The following BNC2 variants were observed in gnomAD, a reference collection of about 807,000 sequenced individuals.
BNC2 encodes basonuclin zinc finger protein 2, also known as zinc finger protein basonuclin-2.
A neutral mutation model predicts 76.3 loss-of-function variants in BNC2; 20 were observed. That is an observed-to-expected ratio of 0.26 (90% confidence interval 0.18 to 0.38). The LOEUF (loss-of-function observed/expected upper bound fraction) is 0.38. BNC2 is among the 10% of genes least tolerant of loss of function. BNC2 has a pLI of 1.00. For missense variants in BNC2, 1,382 were observed against 1,399.8 expected, an observed-to-expected ratio of 0.99 and a Z score of 0.20; for synonymous variants, 582 against 514.8, an observed-to-expected ratio of 1.13 and a Z score of -1.77.
chr9:16,628,900 A>C (rs1244543300), intron 3 of BNC2, among the ~76,000 whole-genome samples: 1 of 152,224 alleles, frequency 6.6e-6, no homozygotes, highest in East Asian at 1.9e-4. Flanking sequence ...AGGATTTTTA[A>C]ACTTCTGTAG....
chr9:16,758,518 A>T (rs979018654), intron 1 of BNC2, among the ~76,000 whole-genome samples: 1 of 152,070 alleles, frequency 6.6e-6, no homozygotes, highest in Non-Finnish European at 1.5e-5. Context: ...TGTAGTAGAG[A>T]CAGGGTTTCA....
chr9:16,461,827 T>C (rs1821589499), intron 5 of BNC2, among the ~76,000 whole-genome samples: 1 of 152,234 alleles, frequency 6.6e-6, no homozygotes, highest in Non-Finnish European at 1.5e-5. Flanking sequence ...AGAGTTATTT[T>C]GTTTCTAACA....
chr9:16,711,112 C>A (rs1158567738), intron 3 of BNC2, among the ~76,000 whole-genome samples: 3 of 152,144 alleles, frequency 2.0e-5, no homozygotes, highest in Non-Finnish European at 4.4e-5. Flanking sequence ...CCCCTCCCCC[C>A]AGTCTTTCTC....
chr9:16,780,115 A>G (rs1393952392), intron 1 of BNC2, among the ~76,000 whole-genome samples: 1 of 151,196 alleles, frequency 6.6e-6, no homozygotes, highest in Non-Finnish European at 1.5e-5. Flanking sequence ...GGGTGCCTGT[A>G]GTCCCAGCTA....
At chr9:16,853,678 C>T (rs1819184005) in intron 1 of BNC2, among the ~76,000 whole-genome samples, 1 of 152,034 alleles carries the variant, frequency 6.6e-6, no homozygotes, top group Non-Finnish European at 1.5e-5. Context: ...ACCAGCCTGG[C>T]CAACATGGTG....
chr9:16,840,382 C>G (rs1209492414), intron 1 of BNC2, among the ~76,000 whole-genome samples: 1 of 152,210 alleles, frequency 6.6e-6, no homozygotes, highest in African/African-American at 2.4e-5. Flanking sequence ...CATTTCATAT[C>G]CACGCAGTTA....
intron 3 of BNC2, among the ~76,000 whole-genome samples, chr9:16,610,397 C>T (rs763589417): frequency 6.6e-6 from 1 of 152,084 alleles, no homozygotes; most frequent in Non-Finnish European, 1.5e-5. Flanking sequence ...CAGAAGGAAT[C>T]CGAGGTTCCC....
Position 16,685,596 on chromosome 9 carries a change from C to A in BNC2, c.330+42201G>T, listed in dbSNP as rs958540505. 26 of 1,304,270 alleles carry A rather than the reference C, an allele frequency of 2.0e-5. No individual in the cohort carries two copies. In the African/African-American group the frequency reaches 3.8e-4, roughly 19 times the overall value. The allele number at this position is 1,304,270 out of a possible 1,614,324, so 80.8% of individuals were successfully genotyped here. On this transcript the variant is annotated intron_variant, in intron 3 of 6. Coordinates refer to ENST00000380672, the MANE Select transcript of BNC2 (RefSeq NM_017637.6). ...CCTCCAGGTTTGGGCAGAAGTCTGC[C>A]CCCAGCACTCTGCCAGTACATGCCA...
At chr9:16,570,184 A>G (rs974420606) in intron 4 of BNC2, among the ~76,000 whole-genome samples, 1 of 152,232 alleles carries the variant, frequency 6.6e-6, no homozygotes, top group Admixed American at 6.5e-5. Flanking sequence ...TTGATAAAAT[A>G]TATGCTTTAA....
At chr9:16,754,712 C>G (rs1160992726) in intron 1 of BNC2, among the ~76,000 whole-genome samples, 3 of 152,144 alleles carry the variant, frequency 2.0e-5, no homozygotes, top group African/African-American at 7.2e-5. Context: ...CACCCACCAC[C>G]ATGCCCAGCT....
intron 5 of BNC2, among the ~76,000 whole-genome samples, chr9:16,497,333 C>A (rs114929114): frequency 0.02 from 3,111 of 152,262 alleles, 133 homozygotes; most frequent in African/African-American, 0.07. Context: ...ATTATTCTGT[C>A]CATATTAGAT....
At chr9:16,790,817 C>CTTTT (rs372342400) in intron 1 of BNC2, among the ~76,000 whole-genome samples, 91 of 128,772 alleles carry the variant, frequency 7.1e-4, no homozygotes, top group African/African-American at 2.2e-3. Context: ...CCTTGGTAAG[C>CTTTT]TTTTTTTTTT....
At chr9:16,607,513 G>T (rs1232555921) in intron 3 of BNC2, among the ~76,000 whole-genome samples, 8 of 152,026 alleles carry the variant, frequency 5.3e-5, no homozygotes, top group Admixed American at 5.2e-4. Flanking sequence ...ACACTTTAGG[G>T]TAAGTAAACA....
chr9:16,720,226 G>A (rs903122573), intron 3 of BNC2, among the ~76,000 whole-genome samples: 7 of 152,128 alleles, frequency 4.6e-5, no homozygotes, highest in Admixed American at 4.6e-4. Flanking sequence ...TGATGTATTG[G>A]CAAAAGGGTA....
chr9:16,757,027 C>CT (rs1411415530), intron 1 of BNC2, among the ~76,000 whole-genome samples: 4 of 151,382 alleles, frequency 2.6e-5, no homozygotes, highest in Non-Finnish European at 5.9e-5. Flanking sequence ...AAGAAGGTAA[C>CT]TACCTATTCC....
chr9:16,666,576 A>G (rs1264698940), intron 3 of BNC2, among the ~76,000 whole-genome samples: 2 of 152,252 alleles, frequency 1.3e-5, no homozygotes, highest in African/African-American at 4.8e-5. Context: ...TATCTTGGCA[A>G]TTAAGTAAAA....
intron 1 of BNC2, among the ~76,000 whole-genome samples, chr9:16,765,782 ATTTTT>A (rs762499077): frequency 7.4e-6 from 1 of 134,806 alleles, no homozygotes; most frequent in African/African-American, 2.7e-5. Flanking sequence ...CACTCTCGTA[ATTTTT>A]TTTTTTTTTT....
intron 5 of BNC2, among the ~76,000 whole-genome samples, chr9:16,538,199 G>C (rs1350852522): frequency 2.0e-5 from 3 of 152,118 alleles, no homozygotes; most frequent in Non-Finnish European, 4.4e-5. Flanking sequence ...CTACCAATTG[G>C]ACACTGCTTT....
At chr9:16,484,808 A>T (rs1822127154) in intron 5 of BNC2, among the ~76,000 whole-genome samples, 1 of 152,208 alleles carries the variant, frequency 6.6e-6, no homozygotes, top group Non-Finnish European at 1.5e-5. Context: ...GATGAACAAA[A>T]GCAATATGCC....
Sources: gnomAD v4.1 joint callset for allele counts (sites outside exome capture counted in the v4.1 genomes callset) on GRCh38, gnomAD v4.1.1 for gene constraint, MANE v1.5 for transcripts, NCBI Gene and HGNC (gene_info 2026-07-23, HGNC 2026-07-21) for gene names.